The following TMEM65 variants were observed in gnomAD, a reference collection of about 807,000 sequenced individuals.
TMEM65 encodes transmembrane protein 65.
A neutral mutation model predicts 25.4 loss-of-function variants in TMEM65; 22 were observed. That is an observed-to-expected ratio of 0.86 (90% CI 0.62 to 1.23). TMEM65 has a LOEUF of 1.23. Ranked by LOEUF, TMEM65 falls within the 50% of genes most tolerant of loss-of-function variation. TMEM65 has a pLI of 0.00. For missense variants in TMEM65, 262 were observed against 308.2 expected (o/e 0.85, Z 1.12); for synonymous variants, 132 against 126.2 (o/e 1.05, Z -0.31).
At position 124,330,807 on chromosome 8, in the gene TMEM65, A is replaced by C; in HGVS notation, c.305-15T>G. 6.3e-7 allele frequency: 1 copy of C among 1,577,832 alleles called. No homozygotes were observed. Among genetic ancestry groups the C allele is most frequent in the Non-Finnish European group, 8.6e-7 (1 of 1,166,276 alleles). ...TTCCAATTTTTCTAAAGGGGAGAAA[A>C]AGGATGTGGGGCAAGAATTAGTTAC... is the stretch of plus-strand genomic sequence containing the variant. On this transcript the variant is annotated splice_polypyrimidine_tract_variant and intron_variant, in intron 1 of 6. Transcript: ENST00000297632.
chr8:124,338,358 A>G (rs1001344555), intron 1 of TMEM65, among the ~76,000 whole-genome samples: 1 of 152,088 alleles, frequency 6.6e-6, no homozygotes, highest in Non-Finnish European at 1.5e-5. Flanking sequence ...GATTCCTATA[A>G]GTGGCATTAC....
In TMEM65 at chr8:124,372,645, C is replaced by G. The variant is rs1328760028; in HGVS notation, c.-488G>C. 2.5e-5 allele frequency: 4 copies of G among 159,610 alleles called. No homozygotes were observed. Among genetic ancestry groups the G allele is most frequent in the African/African-American group, 1.0e-4 (4 of 39,756 alleles). 9.9% of individuals were successfully genotyped at this position (159,610 alleles called of 1,614,324 possible). On this transcript the variant is annotated 5_prime_UTR_variant, in exon 1 of 7. Transcript: ENST00000297632. ...TAAGGTTCCCGAGCCCTCAAAGCAGCCGCGCTCCCGAGCCGCAGCCGCCGC... is the reference window on the plus strand; with the variant it reads ...TAAGGTTCCCGAGCCCTCAAAGCAGGCGCGCTCCCGAGCCGCAGCCGCCGC...
At chr8:124,339,890 G>A (rs1211266222) in intron 1 of TMEM65, among the ~76,000 whole-genome samples, 1 of 151,924 alleles carries the variant, frequency 6.6e-6, no homozygotes, top group African/African-American at 2.4e-5. Context: ...TCTTACTAAG[G>A]ACAACTTAGA....
At position 124,313,719 on chromosome 8, in the gene TMEM65, A is replaced by AT; in HGVS notation, c.*240dup. On this transcript the variant is annotated 3_prime_UTR_variant, in exon 7 of 7. Coordinates refer to ENST00000297632, the MANE Select transcript of TMEM65 (RefSeq NM_194291.3). ...TATGAATATAAAAAGAAAGGATAAA[A>AT]TGTTGACTGCTATTGATGAAAAAGC... The AT allele has an allele frequency of 2.4e-6, 1 of 415,874 alleles. No individual in the cohort carries two copies. The highest frequency in any genetic ancestry group is 3.6e-5 in the South Asian group (1 of 27,912). The allele number at this position is 415,874 out of a possible 1,614,324, so 25.8% of individuals were successfully genotyped here.
chr8:124,337,463 CT>C (rs1814527027), intron 1 of TMEM65, among the ~76,000 whole-genome samples: 1 of 151,928 alleles, frequency 6.6e-6, no homozygotes, highest in South Asian at 2.1e-4. Flanking sequence ...ATCCAAACTT[CT>C]TTACATGTCC....
chr8:124,307,927 C>T lies in TMEM65; in HGVS notation c.*6033G>A, dbSNP rs188707328. ...TATTAGTAAAGAAGAGAAGTGAGCA[C>T]CAGGGTTTAAGGCAGAAAGGGACAG... On this transcript the variant is annotated 3_prime_UTR_variant, in exon 7 of 7. Coordinates refer to ENST00000297632, the MANE Select transcript of TMEM65 (RefSeq NM_194291.3). 2 of 152,000 alleles carry T rather than the reference C, an allele frequency of 1.3e-5. No individual in the cohort carries two copies. The highest frequency in any genetic ancestry group is 4.8e-5 in the African/African-American group (2 of 41,398). 9.4% of individuals were successfully genotyped at this position (152,000 alleles called of 1,614,324 possible).
At chr8:124,334,573 G>C (rs1814480084) in intron 1 of TMEM65, among the ~76,000 whole-genome samples, 1 of 151,702 alleles carries the variant, frequency 6.6e-6, no homozygotes. Flanking sequence ...AGACCAGCCT[G>C]ACCAACATGG....
At chr8:124,360,966 A>G (rs1291986397) in intron 1 of TMEM65, among the ~76,000 whole-genome samples, 2 of 152,256 alleles carry the variant, frequency 1.3e-5, no homozygotes, top group Non-Finnish European at 2.9e-5. Context: ...TCAGTTATAT[A>G]TAATTCATTC....
chr8:124,323,642 T>C (rs751517083), intron 3 of TMEM65, among the ~76,000 whole-genome samples: 2 of 152,138 alleles, frequency 1.3e-5, no homozygotes, highest in Non-Finnish European at 2.9e-5. Context: ...TAGTTCATCA[T>C]TAAAAATCTA....
At chr8:124,353,947 T>C (rs1814743464) in intron 1 of TMEM65, among the ~76,000 whole-genome samples, 1 of 152,170 alleles carries the variant, frequency 6.6e-6, no homozygotes, top group Admixed American at 6.5e-5. Context: ...GTCAGATAGA[T>C]ACCATGTTAA....
chr8:124,350,119 AGTGTGTGTGT>A lies in TMEM65; in HGVS notation c.305-19337_305-19328del, dbSNP rs71866914. ...TTTGCAGACAATGTACTAATACATC[AGTGTGTGTGT>A]GTGTGTGTGTGTGTGTGTGTGTGCA... On this transcript the variant is annotated intron_variant, in intron 1 of 6. Transcript: ENST00000297632. Among the ~76,000 whole-genome samples, 983 of 148,194 alleles carry A rather than the reference AGTGTGTGTGT, an allele frequency of 6.6e-3. 34 individuals carry two copies. In the East Asian group the frequency reaches 0.11, roughly 16 times the overall value.
At position 124,322,217 on chromosome 8, in the gene TMEM65, G is replaced by C. The variant is rs1447296610; in HGVS notation, c.473-70C>G. 1.3e-5 allele frequency: 16 copies of C among 1,194,362 alleles called. No individual in the cohort carries two copies. In the Admixed American group the frequency reaches 1.4e-4, roughly 10 times the overall value. 74.0% of individuals were successfully genotyped at this position (1,194,362 alleles called of 1,614,324 possible). A position where few individuals can be genotyped will look rare whatever the true frequency, so the allele number is the denominator to read the frequency against. On this transcript the variant is annotated intron_variant, in intron 4 of 6. Coordinates refer to ENST00000297632, the MANE Select transcript of TMEM65 (RefSeq NM_194291.3). Reference sequence around the variant, plus strand: ...ATTATATCACTATGTAATCAATAAAGCACTGATCTTGGAAGAGTTCTCATA... The same window carrying C: ...ATTATATCACTATGTAATCAATAAACCACTGATCTTGGAAGAGTTCTCATA...
intron 3 of TMEM65, among the ~76,000 whole-genome samples, chr8:124,325,135 G>C (rs1470414141): frequency 6.6e-6 from 1 of 151,512 alleles, no homozygotes; most frequent in Non-Finnish European, 1.5e-5. Context: ...TTGTTTTTAC[G>C]ACTACAACTA....
chr8:124,317,462 C>CTATG (rs1210698893), intron 6 of TMEM65, among the ~76,000 whole-genome samples: 2 of 152,292 alleles, frequency 1.3e-5, no homozygotes, highest in African/African-American at 4.8e-5. Context: ...TCCCATAAGA[C>CTATG]TATGAGCTCT....
intron 1 of TMEM65, among the ~76,000 whole-genome samples, chr8:124,339,312 T>C (rs1814557926): frequency 7.0e-6 from 1 of 142,310 alleles, no homozygotes; most frequent in South Asian, 2.3e-4. Context: ...TTCAGCCAAT[T>C]ACAGGCTGCA....
rs951054322 is a variant in TMEM65, at chr8:124,312,375, C to A, written c.*1585G>T. 8 of 151,986 alleles carry A rather than the reference C, an allele frequency of 5.3e-5. No homozygotes were observed. Among genetic ancestry groups the A allele is most frequent in the Middle Eastern group, 6.8e-3 (2 of 292 alleles). The allele number at this position is 151,986 out of a possible 1,614,324, so 9.4% of individuals were successfully genotyped here. A position where few individuals can be genotyped will look rare whatever the true frequency, so the allele number is the denominator to read the frequency against. ...CTCAAAGTCTATGATTAAAGGATGG[C>A]ACTTATGCATTCTGAAGCGCATGAG... On this transcript the variant is annotated 3_prime_UTR_variant, in exon 7 of 7. Coordinates refer to ENST00000297632, the MANE Select transcript of TMEM65 (RefSeq NM_194291.3).
intron 2 of TMEM65, among the ~76,000 whole-genome samples, chr8:124,328,143 C>T (rs1387980576): frequency 1.3e-5 from 2 of 152,062 alleles, no homozygotes; most frequent in Admixed American, 6.6e-5. Flanking sequence ...AACTAGGTCA[C>T]GCCTGTAATC....
At chr8:124,370,878 C>G (rs925854045) in intron 1 of TMEM65, among the ~76,000 whole-genome samples, 1 of 152,204 alleles carries the variant, frequency 6.6e-6, no homozygotes, top group Non-Finnish European at 1.5e-5. Context: ...TTAAAACTTT[C>G]AAACACATCA....
intron 1 of TMEM65, among the ~76,000 whole-genome samples, chr8:124,368,560 G>C (rs1814971545): frequency 6.6e-6 from 1 of 152,204 alleles, no homozygotes; most frequent in South Asian, 2.1e-4. Context: ...GTGCTGTCTT[G>C]CAAACACACT....
Sources: gnomAD v4.1 joint callset for allele counts (sites outside exome capture counted in the v4.1 genomes callset) on GRCh38, gnomAD v4.1.1 for gene constraint, MANE v1.5 for transcripts, NCBI Gene and HGNC (gene_info 2026-07-23, HGNC 2026-07-21) for gene names.